AKAP1: variants seen among roughly 807,000 people sequenced by gnomAD.
AKAP1 encodes A-kinase anchor protein 1, mitochondrial.
Under a neutral mutation model 79.8 loss-of-function variants are expected in AKAP1, and 32 were observed. The observed-to-expected ratio is 0.40, with a 90% CI of 0.30 to 0.54. AKAP1 has a LOEUF of 0.54. Among genes scored for constraint, AKAP1 ranks in the 20% least tolerant of loss-of-function variants. The pLI is 0.47. For missense variants in AKAP1, 961 were observed against 1,138.9 expected (o/e 0.84, Z 2.25); for synonymous variants, 416 against 466.7 (o/e 0.89, Z 1.40).
rs1463455934 is a variant in AKAP1, at chr17:57,120,417, T to G, written c.*93T>G. The G allele has an allele frequency of 2.6e-6, 3 of 1,143,736 alleles. No homozygotes were observed. Among genetic ancestry groups the G allele is most frequent in the East Asian group, 4.7e-5 (2 of 42,328 alleles). 70.8% of individuals were successfully genotyped at this position (1,143,736 alleles called of 1,614,324 possible). Reference sequence around the variant, plus strand: ...ATGAACATCGGAATAACAAACATTGTCCTCTCCAGAAAGTCCTTTCTTTCT... The same window carrying G: ...ATGAACATCGGAATAACAAACATTGGCCTCTCCAGAAAGTCCTTTCTTTCT... On this transcript the variant is annotated 3_prime_UTR_variant, in exon 11 of 11. Coordinates refer to ENST00000337714, the MANE Select transcript of AKAP1 (RefSeq NM_003488.4).
chr17:57,101,411 A>C (rs1048126237), intron 1 of AKAP1, among the ~76,000 whole-genome samples: 1 of 152,088 alleles, frequency 6.6e-6, no homozygotes, highest in Non-Finnish European at 1.5e-5. Context: ...TCCTGGCCTC[A>C]AGCGATTTGC....
intron 1 of AKAP1, among the ~76,000 whole-genome samples, chr17:57,100,058 T>A (rs1200255906): frequency 6.6e-6 from 1 of 152,116 alleles, no homozygotes; most frequent in Non-Finnish European, 1.5e-5. Context: ...CTCCCAGCCA[T>A]CTTGAGAGGT....
In AKAP1 at chr17:57,091,068, C is replaced by T. The variant is rs1336097404; in HGVS notation, c.-25+5670C>T. On this transcript the variant is annotated intron_variant, in intron 1 of 10. Coordinates refer to ENST00000337714, the MANE Select transcript of AKAP1 (RefSeq NM_003488.4). The stretch of plus-strand genomic sequence containing the variant: ...TGCCTTTGTGAGGTTGGGTCGATGA[C>T]AGATCTGAAGGACAGTTCAGTCTTC... Among the ~76,000 whole-genome samples, 5 of 152,224 alleles carry T rather than the reference C, an allele frequency of 3.3e-5. No homozygotes were observed. In the East Asian group the frequency reaches 9.6e-4, roughly 29 times the overall value.
At chr17:57,115,972 C>T (rs539790658) in intron 6 of AKAP1, 139 bp from the exon 7 acceptor site, 87 of 992,352 alleles carry the variant, frequency 8.8e-5, no homozygotes, top group Non-Finnish European at 1.1e-4. Context: ...TGCTTGGGGC[C>T]GGTTGCTGTT....
chr17:57,118,849 G>A (rs925343573), intron 9 of AKAP1, 133 bp from the exon 10 acceptor site: 61 of 936,050 alleles, frequency 6.5e-5, no homozygotes, highest in Non-Finnish European at 8.8e-5. Flanking sequence ...TGGGCACACC[G>A]CCTCATGATC....
In AKAP1 at chr17:57,106,752, C is replaced by T. The variant is rs1172953867; in HGVS notation, c.1288C>T (p.Pro430Ser). Residue 430 changes from proline (P) to serine (S), a missense_variant, in exon 2 of 11, where the codon CCA becomes TCA. Pro to Ser is a moderately conservative substitution (Grantham distance 74). Transcript: ENST00000337714. ...GCCAGGCCTACCAGCAGAGGGCTCA[C>T]CACCACCAAAGACCTACGTGAGCTG... ...PLPGLPAEGS[P>S]PPKTYVSCLK... 6.2e-7 allele frequency: 1 copy of T among 1,614,010 alleles called. No homozygotes were observed. Among genetic ancestry groups the T allele is most frequent in the East Asian group, 2.2e-5 (1 of 44,870 alleles).
chr17:57,085,288 T>TG lies in AKAP1; in HGVS notation c.-130dup, dbSNP rs1913373259. On this transcript the variant is annotated 5_prime_UTR_variant, in exon 1 of 11. Coordinates refer to ENST00000337714, the MANE Select transcript of AKAP1 (RefSeq NM_003488.4). The stretch of plus-strand genomic sequence containing the variant: ...TGTTCCACCCGCCTGGGCTAGCACG[T>TG]GGGGGAGCTGCGGAAGCGCGGCGCT... The TG allele has an allele frequency of 6.6e-6, 1 of 150,400 alleles. No individual in the cohort carries two copies. Among genetic ancestry groups the TG allele is most frequent in the South Asian group, 2.1e-4 (1 of 4,838 alleles). The allele number at this position is 150,400 out of a possible 1,614,324, so 9.3% of individuals were successfully genotyped here.
At chr17:57,111,755 G>A in intron 3 of AKAP1, 43 bp from the exon 4 acceptor site, 1 of 1,607,572 alleles carries the variant, frequency 6.2e-7, no homozygotes, top group Non-Finnish European at 8.5e-7. Context: ...CCAGGGAATT[G>A]GTTTCCCTTT....
Position 57,086,556 on chromosome 17 carries a change from C to G in AKAP1, c.-25+1158C>G, listed in dbSNP as rs547471857. ...GCTCCAGGTGCGAGTCGAGGCCTCT[C>G]AAGCTGGGTAGGGTGTATGCGCAGG... On this transcript the variant is annotated intron_variant, in intron 1 of 10. Transcript: ENST00000337714. This position sits in a 1 kb window ranked among gnomAD's most constrained non-coding sequence, Gnocchi z 5.1. 60 of 425,268 alleles carry G rather than the reference C, an allele frequency of 1.4e-4. No homozygotes were observed. Among genetic ancestry groups the G allele is most frequent in the Admixed American group, 2.7e-4 (10 of 37,656 alleles). The allele number at this position is 425,268 out of a possible 1,614,324, so 26.3% of individuals were successfully genotyped here.
intron 8 of AKAP1, among the ~76,000 whole-genome samples, chr17:57,117,786 G>T (rs886145321): frequency 6.6e-6 from 1 of 152,016 alleles, no homozygotes; most frequent in Non-Finnish European, 1.5e-5. Context: ...GTAAACCCCT[G>T]TCTCTCCCAT....
intron 5 of AKAP1, among the ~76,000 whole-genome samples, chr17:57,114,148 G>C (rs983833905): frequency 6.6e-6 from 1 of 152,192 alleles, no homozygotes; most frequent in African/African-American, 2.4e-5. Flanking sequence ...CCAGGCCTGT[G>C]CAAGGCCCAG....
In AKAP1 at chr17:57,105,918, C is replaced by T. The variant is rs1229815051; in HGVS notation, c.454C>T (p.Pro152Ser). The part of the protein sequence containing the change: ...SIPLECPLSS[P>S]KGVLFSSKSA... ...TCCTCTAGAGTGCCCCCTTTCATCC[C>T]CAAAGGGTGTACTATTCTCCAGCAA... is the stretch of plus-strand genomic sequence containing the variant. Residue 152 changes from proline (P) to serine (S), a missense_variant, in exon 2 of 11, where the codon CCA (proline) becomes TCA (serine). Coordinates refer to ENST00000337714, the MANE Select transcript of AKAP1 (RefSeq NM_003488.4). 1.9e-6 allele frequency: 3 copies of T among 1,614,220 alleles called. No individual in the cohort carries two copies. The highest frequency in any genetic ancestry group is 2.2e-5 in the South Asian group (2 of 91,086).
chr17:57,118,445 G>C lies in AKAP1; in HGVS notation c.2565G>C (p.Leu855=), dbSNP rs750094647. 6.2e-7 allele frequency: 1 copy of C among 1,614,038 alleles called. No individual in the cohort carries two copies. Among genetic ancestry groups the C allele is most frequent in the South Asian group, 1.1e-5 (1 of 91,082 alleles). Residue 855 remains leucine (L), a synonymous_variant, in exon 9 of 11, where the codon CTG becomes CTC. Transcript: ENST00000337714. ...AMSEMTGNTA[L]LAQVTSYSPT... ...GCGAGATGACGGGGAATACAGCACT[G>C]CTTGCTCAGGTGTGTGGTTGGCAGG...
chr17:57,101,410 C>T (rs1283007761), intron 1 of AKAP1, among the ~76,000 whole-genome samples: 2 of 152,150 alleles, frequency 1.3e-5, no homozygotes, highest in African/African-American at 4.8e-5. Context: ...CTCCTGGCCT[C>T]AAGCGATTTG....
rs746420376 is a variant in AKAP1, at chr17:57,106,330, C to T, written c.866C>T (p.Pro289Leu). The change falls in exon 2 of 11, where the codon CCA (proline) becomes CTA (leucine). Residue 289 changes from proline (P) to leucine (L), a missense_variant. Physicochemically the swap from Pro to Leu is moderately conservative, Grantham distance 98. Around this residue, in one of 3 missense-constraint regions of AKAP1, gnomAD observed 629 missense variants for 781.1 expected, o/e 0.81. Coordinates refer to ENST00000337714, the MANE Select transcript of AKAP1 (RefSeq NM_003488.4). The part of the protein sequence containing the change: ...LAKDDAAPAP[P>L]VADAKAQDRG... Reference sequence around the variant, plus strand: ...AAGGACGATGCGGCGCCAGCACCCCCAGTCGCAGACGCCAAAGCCCAGGAT... The same window carrying T: ...AAGGACGATGCGGCGCCAGCACCCCTAGTCGCAGACGCCAAAGCCCAGGAT... 6.2e-7 allele frequency: 1 copy of T among 1,614,120 alleles called. No individual in the cohort carries two copies. The highest frequency in any genetic ancestry group is 8.5e-7 in the Non-Finnish European group (1 of 1,180,028).
intron 1 of AKAP1, among the ~76,000 whole-genome samples, chr17:57,087,251 A>G (rs1351681476): frequency 1.3e-5 from 2 of 152,308 alleles, no homozygotes; most frequent in East Asian, 1.9e-4. Flanking sequence ...AATGAGTGAG[A>G]CAGGTCTAAT....
chr17:57,090,493 C>T lies in AKAP1; in HGVS notation c.-25+5095C>T, dbSNP rs189232381. On this transcript the variant is annotated intron_variant, in intron 1 of 10. Coordinates refer to ENST00000337714, the MANE Select transcript of AKAP1 (RefSeq NM_003488.4). Reference sequence around the variant, plus strand: ...TCCCCACCTCCTCCTCTGCCCCTGCCGCCCCCCATGCTCATTGGTTGTTGC... The same window carrying T: ...TCCCCACCTCCTCCTCTGCCCCTGCTGCCCCCCATGCTCATTGGTTGTTGC... 8.0e-4 allele frequency among the ~76,000 whole-genome samples: 121 copies of T among 152,170 alleles called. 2 individuals carry two copies. The East Asian group carries it at 0.017, about 22-fold the overall frequency.
At chr17:57,117,667 T>G (rs1219174911) in intron 8 of AKAP1, among the ~76,000 whole-genome samples, 5 of 151,714 alleles carry the variant, frequency 3.3e-5, no homozygotes, top group Non-Finnish European at 5.9e-5. Context: ...TTGTTTTGCT[T>G]CTTTTATTGC....
rs368765400 is a variant in AKAP1, at chr17:57,116,179, G to A, written c.2350G>A (p.Glu784Lys). The change falls in exon 7 of 11, where the codon GAG becomes AAG. Residue 784 changes from glutamate (E) to lysine (K), a missense_variant. Physicochemically the swap from Glu to Lys is moderately conservative, Grantham distance 56. Around this residue, in one of 3 missense-constraint regions of AKAP1, gnomAD observed 629 missense variants for 781.1 expected, o/e 0.81. Coordinates refer to ENST00000337714, the MANE Select transcript of AKAP1 (RefSeq NM_003488.4). ...WWRAQVVASY[E>K]ETNEVEIRYV... ...GCGAGCCCAAGTGGTTGCCTCCTAC[G>A]AGGAGACCAACGAAGTGGAGATTCG... The A allele has an allele frequency of 3.4e-5, 55 of 1,614,090 alleles. No individual in the cohort carries two copies. Among genetic ancestry groups the A allele is most frequent in the African/African-American group, 9.3e-5 (7 of 75,060 alleles).
Sources: gnomAD v4.1 joint callset for allele counts (sites outside exome capture counted in the v4.1 genomes callset) on GRCh38, gnomAD v4.1.1 for gene constraint, gnomAD v4.1.1 regional missense constraint, Gnocchi (gnomAD v3.1) non-coding constraint, MANE v1.5 for transcripts, NCBI Gene and HGNC (gene_info 2026-07-23, HGNC 2026-07-21) for gene names.